Variants in ROBO2 observed in about 807,000 individuals in gnomAD.
ROBO2 encodes roundabout homolog 2.
In ROBO2, 53 loss-of-function variants were observed where a neutral mutation model predicts 160.8. The observed-to-expected ratio is 0.33, with a 90% CI of 0.26 to 0.41. ROBO2 has a LOEUF of 0.41. Among genes scored for constraint, ROBO2 ranks in the 10% least tolerant of loss-of-function variants. ROBO2 has a pLI of 1.00. For missense variants in ROBO2, 1,577 were observed against 1,722.4 expected (o/e 0.92, Z 1.49); for synonymous variants, 664 against 611.7 (o/e 1.09, Z -1.26).
intron 2 of ROBO2, among the ~76,000 whole-genome samples, chr3:76,139,197 C>T (rs1158611651): frequency 6.6e-6 from 1 of 152,026 alleles, no homozygotes; most frequent in Non-Finnish European, 1.5e-5. Context: ...CTTTAGATAT[C>T]ATCATTTAGT....
intron 1 of ROBO2, among the ~76,000 whole-genome samples, chr3:75,917,472 T>C (rs1946860011): frequency 6.6e-6 from 1 of 152,236 alleles, no homozygotes; most frequent in African/African-American, 2.4e-5. Context: ...GTCTTTGCTA[T>C]TGTAAATAGT....
At chr3:76,849,998 C>G (rs1280636261) in intron 2 of ROBO2, among the ~76,000 whole-genome samples, 18 of 152,076 alleles carry the variant, frequency 1.2e-4, no homozygotes, top group Admixed American at 1.2e-3. Context: ...ACCATCCTGG[C>G]CAACATGGTG....
chr3:76,533,816 C>G, intron 2 of ROBO2, among the ~76,000 whole-genome samples: 1 of 152,040 alleles, frequency 6.6e-6, no homozygotes, highest in Non-Finnish European at 1.5e-5. Flanking sequence ...ACTCACTGTC[C>G]AGGAGAAGAA....
chr3:77,295,200 A>T (rs1222244081), intron 2 of ROBO2, among the ~76,000 whole-genome samples: 1 of 147,558 alleles, frequency 6.8e-6, no homozygotes, highest in Non-Finnish European at 1.5e-5. Context: ...ATAAAGTAAA[A>T]TTGACGATTA....
chr3:77,468,784 G>A (rs1300132089), intron 2 of ROBO2, among the ~76,000 whole-genome samples: 1 of 152,164 alleles, frequency 6.6e-6, no homozygotes, highest in Non-Finnish European at 1.5e-5. Context: ...TGGTTTATCT[G>A]GATCATTTGC....
chr3:76,398,920 A>G (rs1248545535), intron 2 of ROBO2, among the ~76,000 whole-genome samples: 1 of 151,808 alleles, frequency 6.6e-6, no homozygotes, highest in Non-Finnish European at 1.5e-5. Context: ...ACTGGGTGCA[A>G]AACTTACCAT....
At chr3:76,167,671 G>A (rs950930313) in intron 2 of ROBO2, among the ~76,000 whole-genome samples, 4 of 151,948 alleles carry the variant, frequency 2.6e-5, no homozygotes, top group African/African-American at 7.3e-5. Flanking sequence ...TCACTTTACA[G>A]CATTCTTCTC....
chr3:77,019,907 C>G (rs935461724), intron 2 of ROBO2, among the ~76,000 whole-genome samples: 2 of 152,168 alleles, frequency 1.3e-5, no homozygotes, highest in Non-Finnish European at 2.9e-5. Flanking sequence ...ATTTGAACCA[C>G]AAGTCTCATT....
At chr3:77,481,147 G>C (rs1487485339) in exon 4 of ROBO2, 1 of 1,612,148 alleles carries the variant, frequency 6.2e-7, no homozygotes, top group East Asian at 2.2e-5. Flanking sequence ...AAGTGATGCA[G>C]GGATGTATAC....
At chr3:77,326,179 GT>G (rs2065369376) in intron 2 of ROBO2, among the ~76,000 whole-genome samples, 1 of 152,154 alleles carries the variant, frequency 6.6e-6, no homozygotes, top group Non-Finnish European at 1.5e-5. Context: ...CGTAAATGGA[GT>G]TGGTCAAAGA....
intron 2 of ROBO2, among the ~76,000 whole-genome samples, chr3:76,484,624 C>T (rs928973828): frequency 6.6e-6 from 1 of 152,064 alleles, no homozygotes; most frequent in African/African-American, 2.4e-5. Context: ...ACGTAATTAC[C>T]TCCTTTGTAA....
chr3:76,976,279 A>G (rs2059811985), intron 2 of ROBO2, among the ~76,000 whole-genome samples: 2 of 152,302 alleles, frequency 1.3e-5, no homozygotes, highest in African/African-American at 4.8e-5. Context: ...ATTGTTTTGG[A>G]CACAATACCC....
intron 2 of ROBO2, among the ~76,000 whole-genome samples, chr3:76,068,195 G>C (rs2068324077): frequency 6.6e-6 from 1 of 152,150 alleles, no homozygotes; most frequent in African/African-American, 2.4e-5. Context: ...GAGGCCTGCA[G>C]GTGTCTGGTG....
At chr3:76,738,384 G>A (rs2093749155) in intron 2 of ROBO2, among the ~76,000 whole-genome samples, 1 of 152,110 alleles carries the variant, frequency 6.6e-6, no homozygotes, top group South Asian at 2.1e-4. Context: ...TTGACCTTTT[G>A]GGCCAAATAA....
At chr3:77,473,364 G>A (rs768374887) in intron 2 of ROBO2, among the ~76,000 whole-genome samples, 6 of 150,698 alleles carry the variant, frequency 4.0e-5, no homozygotes, top group Non-Finnish European at 8.8e-5. Context: ...CCTTTCTATC[G>A]GCACAGCTGC....
intron 2 of ROBO2, among the ~76,000 whole-genome samples, chr3:76,229,808 TAA>T (rs1237130341): frequency 6.6e-6 from 1 of 151,982 alleles, no homozygotes. Flanking sequence ...TACAGAGGGG[TAA>T]CAACTAGAAA....
chr3:76,215,039 C>T (rs1703412100), intron 2 of ROBO2, among the ~76,000 whole-genome samples: 1 of 152,130 alleles, frequency 6.6e-6, no homozygotes, highest in Non-Finnish European at 1.5e-5. Flanking sequence ...GCTGCTGATA[C>T]CCAGGAAAAC....
intron 2 of ROBO2, among the ~76,000 whole-genome samples, chr3:76,755,301 A>T (rs1171898820): frequency 6.6e-6 from 1 of 151,818 alleles, no homozygotes; most frequent in Admixed American, 6.6e-5. Flanking sequence ...AAATAAACTC[A>T]TTCTATATCT....
chr3:77,032,155 G>A (rs909419497), intron 2 of ROBO2, among the ~76,000 whole-genome samples: 6 of 152,280 alleles, frequency 3.9e-5, no homozygotes, highest in Admixed American at 3.3e-4. Context: ...TGAAGCCAGT[G>A]GGAGGGACTG....
Sources: gnomAD v4.1 joint callset for allele counts (sites outside exome capture counted in the v4.1 genomes callset) on GRCh38, gnomAD v4.1.1 for gene constraint, MANE v1.5 for transcripts, NCBI Gene and HGNC (gene_info 2026-07-23, HGNC 2026-07-21) for gene names.